The following MACROD1 variants were observed in gnomAD, a reference collection of about 807,000 sequenced individuals.
MACROD1 encodes mono-ADP ribosylhydrolase 1.
A neutral mutation model predicts 41.4 loss-of-function variants in MACROD1; 31 were observed. The ratio of observed to expected loss-of-function variants is 0.75; its 90% CI spans 0.56 to 1.01. The LOEUF (loss-of-function observed/expected upper bound fraction) is 1.01. Ranked by LOEUF, MACROD1 falls within the 50% of genes least tolerant of loss-of-function variation. MACROD1 has a pLI of 0.00. For synonymous variants in MACROD1, 252 were observed against 203.4 expected (o/e 1.24, Z -2.03); for missense variants, 473 against 460.0 (o/e 1.03, Z -0.26).
chr11:64,084,618 G>A (rs1490852954), intron 3 of MACROD1, among the ~76,000 whole-genome samples: 3 of 152,204 alleles, frequency 2.0e-5, no homozygotes, highest in South Asian at 2.1e-4. Flanking sequence ...TTAGGACAGC[G>A]CCTAGAAGGG....
Position 64,003,466 on chromosome 11 carries a change from G to A in MACROD1, c.548-3123C>T, listed in dbSNP as rs1030122943. 4.6e-5 allele frequency among the ~76,000 whole-genome samples: 7 copies of A among 152,178 alleles called. No homozygotes were observed. In the South Asian group the frequency reaches 1.2e-3, roughly 27 times the overall value. On this transcript the variant is annotated intron_variant, in intron 4 of 10. Coordinates refer to ENST00000255681, the MANE Select transcript of MACROD1 (RefSeq NM_014067.4). The stretch of plus-strand genomic sequence containing the variant: ...ACTCCTGACCTCAAGTGATCCACCC[G>A]TCTCAGCCTCCCAAAGTGCTGGGAT...
rs377387426 is a variant in MACROD1 at position 64,023,591 on chromosome 11, G to A, written c.518-8310C>T. Among the ~76,000 whole-genome samples, 66 of 152,190 alleles carry A rather than the reference G, an allele frequency of 4.3e-4. No homozygotes were observed. In the South Asian group the frequency reaches 0.013, roughly 30 times the overall value. ...GCTCCAGGGCTAAGCCCCTCACCAC[G>A]TCTTCTCTGACGAGCCTGGGAGCTG... On this transcript the variant is annotated intron_variant, in intron 3 of 10. Transcript: ENST00000255681.
chr11:64,025,933 A>G (rs1590811049), intron 3 of MACROD1, among the ~76,000 whole-genome samples: 3 of 152,178 alleles, frequency 2.0e-5, no homozygotes, highest in African/African-American at 7.2e-5. Flanking sequence ...CTGTAATCCC[A>G]GCACTTTGGG....
intron 3 of MACROD1, among the ~76,000 whole-genome samples, chr11:64,042,844 G>C (rs1565206362): frequency 6.6e-6 from 1 of 152,194 alleles, no homozygotes; most frequent in Non-Finnish European, 1.5e-5. Context: ...TAGCCAGAGG[G>C]GCTGGGTAGT....
At chr11:64,097,575 G>A (rs1403439332) in intron 3 of MACROD1, among the ~76,000 whole-genome samples, 3 of 152,216 alleles carry the variant, frequency 2.0e-5, no homozygotes, top group East Asian at 3.8e-4. Flanking sequence ...GGCCTGGCTC[G>A]CACACTCTCG....
chr11:63,999,613 C>A (rs1314462087), intron 6 of MACROD1, 29 bp downstream of exon 6: 1 of 1,609,064 alleles, frequency 6.2e-7, no homozygotes, highest in Non-Finnish European at 8.5e-7. Flanking sequence ...CGCCCCGCCT[C>A]CCGCCCTCCC....
chr11:64,133,157 G>A lies in MACROD1; in HGVS notation c.517+18082C>T, dbSNP rs188124318. ...CCCCAGCGCCTTGGATTCCTGCACA[G>A]ATGCACGGAGCCCCCACGCTATGCC... On this transcript the variant is annotated intron_variant, in intron 3 of 10. Transcript: ENST00000255681. 2.6e-4 allele frequency among the ~76,000 whole-genome samples: 39 copies of A among 152,334 alleles called. 1 individual carries two copies. The East Asian group carries it at 7.4e-3, about 29-fold the overall frequency.
intron 3 of MACROD1, chr11:64,148,690 C>G (rs1318155011): frequency 2.1e-6 from 2 of 962,520 alleles, no homozygotes; most frequent in African/African-American, 3.5e-5. Context: ...ATGAATTAAG[C>G]ACATATGGGT....
At chr11:64,022,324 G>A (rs935984314) in intron 3 of MACROD1, among the ~76,000 whole-genome samples, 1 of 152,036 alleles carries the variant, frequency 6.6e-6, no homozygotes, top group East Asian at 1.9e-4. Context: ...AAGCCTCCTT[G>A]GTGCTCCCAC....
rs1182830967 is a variant in MACROD1, at chr11:64,082,912, TC to T, written c.518-67632del. 6.6e-6 allele frequency: 1 copy of T among 152,616 alleles called. No individual in the cohort carries two copies. The highest frequency in any genetic ancestry group is 1.5e-5 in the Non-Finnish European group (1 of 68,304). 9.5% of individuals were successfully genotyped at this position (152,616 alleles called of 1,614,324 possible). On this transcript the variant is annotated intron_variant, in intron 3 of 10. Transcript: ENST00000255681. The surrounding 1 kb of genome is among the most constrained non-coding windows in gnomAD (Gnocchi z 4.5). ...CCCCCTGCCTCTCTGCCCTCATCTG[TC>T]CCTGCCCTGACCTCTCTCTGCCTTC...
At position 64,067,231 on chromosome 11, in the gene MACROD1, T is replaced by C. The variant is rs2134452779; in HGVS notation, c.518-51950A>G. On this transcript the variant is annotated intron_variant, in intron 3 of 10. Transcript: ENST00000255681. The surrounding 1 kb of genome is among the most constrained non-coding windows in gnomAD (Gnocchi z 4.6). The stretch of plus-strand genomic sequence containing the variant: ...AGATGGGAGGGGTGGGGAGAGGCCT[T>C]GCATGGCACCCACTCCCACCTGTGC... Among the ~76,000 whole-genome samples the C allele has an allele frequency of 6.6e-6, 1 of 152,076 alleles. No individual in the cohort carries two copies. The highest frequency in any genetic ancestry group is 1.9e-4 in the East Asian group (1 of 5,162).
chr11:64,130,007 AGGGGAC>A (rs1945242170), intron 3 of MACROD1, among the ~76,000 whole-genome samples: 1 of 152,132 alleles, frequency 6.6e-6, no homozygotes, highest in African/African-American at 2.4e-5. Flanking sequence ...AAGGCACTGC[AGGGGAC>A]CTGCTGGCCC....
chr11:64,116,330 C>A (rs761333676), intron 3 of MACROD1: 1 of 1,610,806 alleles, frequency 6.2e-7, no homozygotes, highest in Non-Finnish European at 8.5e-7. Flanking sequence ...TCACGGCCAC[C>A]GTTGTGATGA....
chr11:64,033,403 G>T (rs910869278), intron 3 of MACROD1, among the ~76,000 whole-genome samples: 7 of 152,122 alleles, frequency 4.6e-5, no homozygotes, highest in Non-Finnish European at 1.0e-4. Context: ...GATGATTTTT[G>T]TTTGTTTTTT....
intron 3 of MACROD1, among the ~76,000 whole-genome samples, chr11:64,030,841 A>C (rs1194466931): frequency 6.6e-6 from 1 of 151,322 alleles, no homozygotes; most frequent in Admixed American, 6.6e-5. Context: ...GCTTGAGCTC[A>C]GGAGTTCGAA....
chr11:64,062,855 AC>A (rs1943931135), intron 3 of MACROD1, among the ~76,000 whole-genome samples: 1 of 151,800 alleles, frequency 6.6e-6, no homozygotes, highest in Admixed American at 6.6e-5. Flanking sequence ...GGGCACCTCC[AC>A]CCCGGCCCCG....
At chr11:64,137,334 G>C (rs890485279) in intron 3 of MACROD1, among the ~76,000 whole-genome samples, 3 of 152,178 alleles carry the variant, frequency 2.0e-5, no homozygotes, top group Non-Finnish European at 4.4e-5. Context: ...CTTTGGGATG[G>C]GCTCTGGAGC....
intron 3 of MACROD1, among the ~76,000 whole-genome samples, chr11:64,028,173 C>T (rs1248403303): frequency 1.4e-5 from 2 of 146,178 alleles, no homozygotes; most frequent in African/African-American, 5.0e-5. Flanking sequence ...GCTGGGGAGG[C>T]GCATGGGAAG....
chr11:64,114,708 T>C (rs577771816), intron 3 of MACROD1, among the ~76,000 whole-genome samples: 4 of 151,028 alleles, frequency 2.6e-5, no homozygotes, highest in Admixed American at 1.3e-4. Flanking sequence ...GACTGATACA[T>C]AGATGGATGG....
Sources: gnomAD v4.1 joint callset for allele counts (sites outside exome capture counted in the v4.1 genomes callset) on GRCh38, gnomAD v4.1.1 for gene constraint, Gnocchi (gnomAD v3.1) non-coding constraint, MANE v1.5 for transcripts, NCBI Gene and HGNC (gene_info 2026-07-23, HGNC 2026-07-21) for gene names.